The following RANBP2 variants were observed in gnomAD, a reference collection of about 807,000 sequenced individuals.
RANBP2 encodes the protein RAN binding protein 2.
A neutral mutation model predicts 303.6 loss-of-function variants in RANBP2; 57 were observed. That is an observed-to-expected ratio of 0.19 (90% CI 0.15 to 0.23). The LOEUF (loss-of-function observed/expected upper bound fraction) is 0.23, where lower values mean the gene tolerates loss of function less well. Ranked by LOEUF, RANBP2 falls within the 10% of genes least tolerant of loss-of-function variation. The pLI is 1.00. For synonymous variants in RANBP2, 1,167 were observed against 1,301.5 expected (o/e 0.90, Z 2.23); for missense variants, 3,138 against 3,780.8 (o/e 0.83, Z 4.46).
chr2:108,758,339 A>C (rs1157523094), intron 17 of RANBP2, 74 bp from the exon 18 acceptor site: 1 of 1,580,558 alleles, frequency 6.3e-7, no homozygotes, highest in East Asian at 2.3e-5. Context: ...TAAAAGAGTA[A>C]GTTTCCCCAG....
At chr2:109,681,808 C>T in the RANBP2 span, among the ~76,000 whole-genome samples, 1 of 152,380 alleles carries the variant, frequency 6.6e-6, no homozygotes, top group Middle Eastern at 3.4e-3. Flanking sequence ...GCCCACAGAG[C>T]TTCATGGAGC....
the RANBP2 span, among the ~76,000 whole-genome samples, chr2:109,582,797 C>A: frequency 6.6e-6 from 1 of 152,106 alleles, no homozygotes; most frequent in Non-Finnish European, 1.5e-5. Context: ...GCTACAGTAA[C>A]CAAGACAGCA....
the RANBP2 span, among the ~76,000 whole-genome samples, chr2:109,387,157 C>G: frequency 2.9e-4 from 44 of 152,278 alleles, no homozygotes; most frequent in African/African-American, 1.0e-3. Flanking sequence ...TATAAATTTA[C>G]ATATATTTTG....
chr2:108,728,338 C>T (rs3856399), intron 1 of RANBP2, among the ~76,000 whole-genome samples: 6 of 152,118 alleles, frequency 3.9e-5, no homozygotes, highest in Non-Finnish European at 4.4e-5. Context: ...GTGTCACCCA[C>T]GCTGGAGTGC....
the RANBP2 span, among the ~76,000 whole-genome samples, chr2:108,968,392 T>C: frequency 6.6e-6 from 1 of 152,210 alleles, no homozygotes; most frequent in Non-Finnish European, 1.5e-5. Context: ...ATGCATCCTT[T>C]TGACTGTTGA....
At chr2:109,367,459 T>A in the RANBP2 span, among the ~76,000 whole-genome samples, 1 of 151,988 alleles carries the variant, frequency 6.6e-6, no homozygotes, top group African/African-American at 2.4e-5. Flanking sequence ...TTGTTGTATT[T>A]TTAATAGAAA....
the RANBP2 span, among the ~76,000 whole-genome samples, chr2:109,220,703 A>G: frequency 6.6e-6 from 1 of 151,768 alleles, no homozygotes; most frequent in African/African-American, 2.4e-5. Context: ...AATGCAAATC[A>G]GAACCACAGT....
the RANBP2 span, among the ~76,000 whole-genome samples, chr2:109,051,757 T>G: frequency 6.6e-6 from 1 of 152,020 alleles, no homozygotes; most frequent in Non-Finnish European, 1.5e-5. Flanking sequence ...AAGTTCTTTT[T>G]TTTTTTTTTG....
the RANBP2 span, among the ~76,000 whole-genome samples, chr2:109,088,599 G>C: frequency 6.6e-6 from 1 of 151,838 alleles, no homozygotes; most frequent in Non-Finnish European, 1.5e-5. Flanking sequence ...TGCAATCTCC[G>C]GGGTTCAAGG....
chr2:108,837,495 A>G, the RANBP2 span, among the ~76,000 whole-genome samples: 1 of 152,172 alleles, frequency 6.6e-6, no homozygotes, highest in East Asian at 1.9e-4. Context: ...ATTATAATGG[A>G]GCAAAGAAAA....
chr2:109,322,944 G>T, the RANBP2 span, among the ~76,000 whole-genome samples: 1 of 152,222 alleles, frequency 6.6e-6, no homozygotes, highest in Admixed American at 6.5e-5. Flanking sequence ...AATTTAGTGA[G>T]AGTGGGCAGG....
chr2:108,815,462 T>G, the RANBP2 span, among the ~76,000 whole-genome samples: 7 of 19,988 alleles, frequency 3.5e-4, no homozygotes, highest in African/African-American at 1.1e-3. Context: ...GTTTTTGGTG[T>G]TTTTTTTTTT....
At chr2:109,575,351 A>G in the RANBP2 span, among the ~76,000 whole-genome samples, 1,456 of 152,358 alleles carry the variant, frequency 9.6e-3, 64 homozygotes, top group East Asian at 0.13. Flanking sequence ...TCTTAGATTT[A>G]TAAGGCACAA....
At chr2:109,552,961 G>T in the RANBP2 span, 1 of 1,075,896 alleles carries the variant, frequency 9.3e-7, no homozygotes. Flanking sequence ...CTATGTGTTG[G>T]AAAAGCTACT....
the RANBP2 span, among the ~76,000 whole-genome samples, chr2:109,680,717 A>T: frequency 6.6e-6 from 1 of 152,004 alleles, no homozygotes; most frequent in African/African-American, 2.4e-5. Flanking sequence ...CTTTTTTCAG[A>T]CCTTTCCTGT....
chr2:109,403,907 G>A, the RANBP2 span, among the ~76,000 whole-genome samples: 1 of 152,242 alleles, frequency 6.6e-6, no homozygotes, highest in Non-Finnish European at 1.5e-5. Flanking sequence ...CTGTGAGGGT[G>A]GAGTGAGGGC....
the RANBP2 span, among the ~76,000 whole-genome samples, chr2:109,445,563 G>A: frequency 6.6e-6 from 1 of 152,162 alleles, no homozygotes; most frequent in Non-Finnish European, 1.5e-5. Context: ...AGAGGACAAG[G>A]TATAGAAGGA....
chr2:109,251,525 G>A, the RANBP2 span: 2 of 748,242 alleles, frequency 2.7e-6, no homozygotes, highest in Admixed American at 3.5e-5. Flanking sequence ...TGGTCATTTG[G>A]TCCCTTTATG....
chr2:109,312,978 T>C, the RANBP2 span, among the ~76,000 whole-genome samples: 1 of 152,212 alleles, frequency 6.6e-6, no homozygotes, highest in African/African-American at 2.4e-5. Flanking sequence ...ATTTCACTTT[T>C]ATCTACAGTA....
Sources: gnomAD v4.1 joint callset for allele counts (sites outside exome capture counted in the v4.1 genomes callset) on GRCh38, gnomAD v4.1.1 for gene constraint, MANE v1.5 for transcripts, NCBI Gene and HGNC (gene_info 2026-07-23, HGNC 2026-07-21) for gene names.